The following GLRA3 variants were observed in gnomAD, a reference collection of about 807,000 sequenced individuals.
GLRA3 encodes the protein glycine receptor alpha 3.
A neutral mutation model predicts 60.4 loss-of-function variants in GLRA3; 44 were observed. That is an observed-to-expected ratio of 0.73 (90% CI 0.57 to 0.94). GLRA3 has a LOEUF of 0.94. GLRA3 is among the 40% of genes least tolerant of loss of function. The pLI is 0.00. For missense variants in GLRA3, 508 were observed against 564.6 expected (o/e 0.90, Z 1.02); for synonymous variants, 223 against 192.9 (o/e 1.16, Z -1.29).
intron 5 of GLRA3, among the ~76,000 whole-genome samples, chr4:174,707,266 T>C (rs1395788879): frequency 6.6e-6 from 1 of 152,214 alleles, no homozygotes; most frequent in Non-Finnish European, 1.5e-5. Context: ...TCTGGATGAT[T>C]AACCAGCAGA....
At chr4:174,711,849 T>C (rs545554651) in intron 5 of GLRA3, among the ~76,000 whole-genome samples, 99 of 152,334 alleles carry the variant, frequency 6.5e-4, no homozygotes, top group Non-Finnish European at 5.7e-4. Context: ...TTCTCAGATA[T>C]ACATTTTTTC....
At chr4:174,815,124 G>C (rs1361302664) in intron 1 of GLRA3, among the ~76,000 whole-genome samples, 1 of 152,184 alleles carries the variant, frequency 6.6e-6, no homozygotes, top group East Asian at 1.9e-4. Context: ...AAAAAGGCTA[G>C]AGGCCCCATA....
intron 1 of GLRA3, among the ~76,000 whole-genome samples, chr4:174,791,686 G>T (rs1225335805): frequency 1.3e-5 from 2 of 152,102 alleles, no homozygotes; most frequent in Non-Finnish European, 2.9e-5. Context: ...TAATTGCAAT[G>T]TCTTTGCCTC....
chr4:174,815,157 A>C (rs1740435201), intron 1 of GLRA3, among the ~76,000 whole-genome samples: 2 of 152,228 alleles, frequency 1.3e-5, no homozygotes, highest in Non-Finnish European at 2.9e-5. Flanking sequence ...CAGCAGGGCA[A>C]TCAAACCTCA....
chr4:174,776,191 A>T (rs148068260), intron 2 of GLRA3, among the ~76,000 whole-genome samples: 1 of 152,300 alleles, frequency 6.6e-6, no homozygotes, highest in Non-Finnish European at 1.5e-5. Flanking sequence ...AAATACCTCA[A>T]ACCTTAAGCC....
chr4:174,753,275 T>C (rs148375526), intron 3 of GLRA3, among the ~76,000 whole-genome samples: 82 of 152,280 alleles, frequency 5.4e-4, no homozygotes, highest in Admixed American at 1.3e-3. Flanking sequence ...GGAAGTCTCA[T>C]CGCAGCAACA....
intron 5 of GLRA3, among the ~76,000 whole-genome samples, chr4:174,691,194 T>A (rs1005097256): frequency 2.0e-5 from 3 of 152,218 alleles, no homozygotes; most frequent in Non-Finnish European, 4.4e-5. Flanking sequence ...TTTTTTTGAC[T>A]TTTTAGTAAT....
chr4:174,733,114 C>T (rs1736618428), intron 3 of GLRA3, among the ~76,000 whole-genome samples: 1 of 151,934 alleles, frequency 6.6e-6, no homozygotes, highest in South Asian at 2.1e-4. Flanking sequence ...AGAGTCAGTG[C>T]CAAAATGAGG....
intron 9 of GLRA3, 46 bp downstream of exon 9, chr4:174,656,697 A>T: frequency 9.6e-7 from 1 of 1,045,148 alleles, no homozygotes; most frequent in Non-Finnish European, 1.5e-6. Context: ...TCTGCTTTTT[A>T]CTGATGACCA....
chr4:174,787,898 A>C (rs1173022934), intron 2 of GLRA3, among the ~76,000 whole-genome samples: 2 of 152,010 alleles, frequency 1.3e-5, no homozygotes, highest in East Asian at 1.9e-4. Context: ...CCTGCTACCC[A>C]ATCTTGATAT....
At chr4:174,657,845 T>G (rs1224722862) in intron 8 of GLRA3, among the ~76,000 whole-genome samples, 1 of 152,196 alleles carries the variant, frequency 6.6e-6, no homozygotes, top group East Asian at 1.9e-4. Context: ...TTAGCCTGTT[T>G]TTTGTTCATG....
At chr4:174,780,881 C>T (rs1389271103) in intron 2 of GLRA3, among the ~76,000 whole-genome samples, 5 of 152,132 alleles carry the variant, frequency 3.3e-5, no homozygotes, top group African/African-American at 1.2e-4. Flanking sequence ...TTTAACACCC[C>T]ACTGTCAACA....
intron 7 of GLRA3, among the ~76,000 whole-genome samples, chr4:174,673,575 G>C (rs1184036422): frequency 6.6e-6 from 1 of 152,086 alleles, no homozygotes; most frequent in Non-Finnish European, 1.5e-5. Flanking sequence ...AGCCCCGGGA[G>C]GGGAACAGAG....
intron 5 of GLRA3, among the ~76,000 whole-genome samples, chr4:174,709,465 T>C: frequency 6.6e-6 from 1 of 152,068 alleles, no homozygotes; most frequent in Admixed American, 6.5e-5. Flanking sequence ...TCATGGGAAC[T>C]GGCCTGTGTC....
chr4:174,786,542 A>C (rs1369317001), intron 2 of GLRA3, among the ~76,000 whole-genome samples: 1 of 152,158 alleles, frequency 6.6e-6, no homozygotes, highest in Non-Finnish European at 1.5e-5. Context: ...ATAGCATGTA[A>C]ATACTATTTT....
intron 1 of GLRA3, among the ~76,000 whole-genome samples, chr4:174,793,791 T>C (rs547567495): frequency 6.6e-6 from 1 of 152,314 alleles, no homozygotes. Context: ...GTGACTGTTA[T>C]TCTTGTGGCA....
chr4:174,741,262 A>G (rs1046196863), intron 3 of GLRA3, among the ~76,000 whole-genome samples: 1 of 152,184 alleles, frequency 6.6e-6, no homozygotes, highest in Non-Finnish European at 1.5e-5. Flanking sequence ...TTGTTTAAAA[A>G]ATTAATTTCA....
intron 3 of GLRA3, among the ~76,000 whole-genome samples, chr4:174,729,420 A>G (rs1234322890): frequency 2.6e-5 from 4 of 152,228 alleles, no homozygotes; most frequent in Non-Finnish European, 5.9e-5. Context: ...AATTTGAGAA[A>G]AATAAAAGCT....
At chr4:174,749,872 G>C (rs1737399976) in intron 3 of GLRA3, among the ~76,000 whole-genome samples, 7 of 152,086 alleles carry the variant, frequency 4.6e-5, no homozygotes, top group African/African-American at 1.7e-4. Context: ...TGACATATAT[G>C]AGTGTTAGCT....
Sources: gnomAD v4.1 joint callset for allele counts (sites outside exome capture counted in the v4.1 genomes callset) on GRCh38, gnomAD v4.1.1 for gene constraint, MANE v1.5 for transcripts, NCBI Gene and HGNC (gene_info 2026-07-23, HGNC 2026-07-21) for gene names.